MOK: variants seen among roughly 807,000 people sequenced by gnomAD.
MOK encodes MAPK/MAK/MRK overlapping kinase.
Under a neutral mutation model 54.2 loss-of-function variants are expected in MOK, and 59 were observed. That is an observed-to-expected ratio of 1.09 (90% CI 0.88 to 1.35). The LOEUF (loss-of-function observed/expected upper bound fraction) is 1.35. Ranked by LOEUF, MOK falls within the 40% of genes most tolerant of loss-of-function variation. The pLI is 0.00. For synonymous variants in MOK, 210 were observed against 202.7 expected, an observed-to-expected ratio of 1.04 and a Z score of -0.31; for missense variants, 517 against 526.2, an observed-to-expected ratio of 0.98 and a Z score of 0.17.
intron 2 of MOK, among the ~76,000 whole-genome samples, chr14:102,272,839 A>G (rs925806619): frequency 3.9e-5 from 6 of 152,174 alleles, no homozygotes; most frequent in Non-Finnish European, 8.8e-5. Context: ...CTTGCATTCA[A>G]TATTGTACTG....
chr14:102,281,847 A>G (rs1433463599), intron 2 of MOK, among the ~76,000 whole-genome samples: 3 of 152,220 alleles, frequency 2.0e-5, no homozygotes, highest in Admixed American at 6.5e-5. Context: ...AAAGAAACAC[A>G]GAGAATGCAG....
intron 1 of MOK, among the ~76,000 whole-genome samples, chr14:102,299,021 A>G (rs187881231): frequency 6.6e-6 from 1 of 152,232 alleles, no homozygotes; most frequent in East Asian, 1.9e-4. Flanking sequence ...AGAAGGAACA[A>G]ACTCCAGACA....
chr14:102,302,263 G>A (rs2072303886), intron 1 of MOK, among the ~76,000 whole-genome samples: 1 of 149,082 alleles, frequency 6.7e-6, no homozygotes, highest in Admixed American at 6.8e-5. Context: ...AGTAGAGACG[G>A]GGTTTCACCA....
intron 7 of MOK, 98 bp downstream of exon 7, chr14:102,250,714 G>T: frequency 2.5e-6 from 3 of 1,182,708 alleles, no homozygotes; most frequent in Non-Finnish European, 3.5e-6. Flanking sequence ...AGAAAAACCA[G>T]AATGACCATG....
chr14:102,294,999 A>G (rs2071278324), intron 1 of MOK, among the ~76,000 whole-genome samples: 1 of 152,210 alleles, frequency 6.6e-6, no homozygotes, highest in Non-Finnish European at 1.5e-5. Flanking sequence ...GGATTAAAAA[A>G]GAAACCACCT....
At chr14:102,241,852 C>T (rs1252905344) in intron 7 of MOK, among the ~76,000 whole-genome samples, 1 of 152,238 alleles carries the variant, frequency 6.6e-6, no homozygotes, top group Non-Finnish European at 1.5e-5. Flanking sequence ...AACGTCTGAA[C>T]CGCAGTGGCC....
chr14:102,217,213 G>C, the MOK span, among the ~76,000 whole-genome samples: 1 of 152,116 alleles, frequency 6.6e-6, no homozygotes, highest in Non-Finnish European at 1.5e-5. Context: ...GGGCCAAGTG[G>C]GTCCCAGGAG....
chr14:102,269,095 G>A (rs1339800019), intron 2 of MOK, among the ~76,000 whole-genome samples: 3 of 152,000 alleles, frequency 2.0e-5, no homozygotes, highest in Admixed American at 6.6e-5. Context: ...GCAAAATAAG[G>A]ATTACTACTA....
At position 102,250,970 on chromosome 14, in the gene MOK, C is replaced by A. The variant is rs750186023; in HGVS notation, c.432G>T (p.Gly144=). 1 of 1,614,012 alleles carries A rather than the reference C, an allele frequency of 6.2e-7. No individual in the cohort carries two copies. Residue 144 remains glycine, a synonymous_variant, in exon 7 of 12, where the codon GGG becomes GGT. Coordinates refer to ENST00000361847, the MANE Select transcript of MOK (RefSeq NM_014226.3). The stretch of plus-strand genomic sequence containing the variant: ...AGACACTCCGGCAGGAGCCAAAGTC[C>A]CCTAATTTCAGGACATCCTGCTGGA... The part of the protein sequence containing the change: ...ILIKQDVLKL[G]DFGSCRSVYS...
the MOK span, among the ~76,000 whole-genome samples, chr14:102,219,155 C>G: frequency 6.1e-4 from 93 of 152,340 alleles, no homozygotes; most frequent in African/African-American, 2.0e-3. Flanking sequence ...GTCTGTTTCT[C>G]GTCTTCCTCT....
At chr14:102,214,809 T>G in the MOK span, 18 of 980,146 alleles carry the variant, frequency 1.8e-5, no homozygotes, top group Non-Finnish European at 1.8e-5. Flanking sequence ...TTGCAATAAT[T>G]AATGAAACTT....
intron 2 of MOK, among the ~76,000 whole-genome samples, chr14:102,275,553 G>A (rs966401509): frequency 2.2e-4 from 27 of 120,830 alleles, no homozygotes; most frequent in African/African-American, 7.1e-5. Flanking sequence ...GACAGAGCGA[G>A]ACTCCATCTC....
chr14:102,245,985 G>A lies in MOK; in HGVS notation c.590+4827C>T, dbSNP rs1220586414. The A allele has an allele frequency of 6.5e-6, 1 of 152,674 alleles. No homozygotes were observed. The highest frequency in any genetic ancestry group is 1.9e-4 in the East Asian group (1 of 5,198). The allele number at this position is 152,674 out of a possible 1,614,324, so 9.5% of individuals were successfully genotyped here. A position where few individuals can be genotyped will look rare whatever the true frequency, so the allele number is the denominator to read the frequency against. ...TCCATCCATCTCAAACAGGTTTAAA[G>A]TACTATTACAACTAGCCTCCTTTAA... On this transcript the variant is annotated intron_variant, in intron 7 of 11. Transcript: ENST00000361847. This position sits in a 1 kb window ranked among gnomAD's most constrained non-coding sequence, Gnocchi z 4.3.
rs1389872445 is a variant in MOK at position 102,250,843 on chromosome 14, T to G, written c.559A>C (p.Ser187Arg). 2 of 1,613,748 alleles carry G rather than the reference T, an allele frequency of 1.2e-6. No homozygotes were observed. The highest frequency in any genetic ancestry group is 2.7e-5 in the African/African-American group (2 of 74,850). Residue 187 changes from serine to arginine, a missense_variant, in exon 7 of 12, where the codon AGC (serine) becomes CGC (arginine). By Grantham distance (110) the Ser-to-Arg change is moderately radical. Transcript: ENST00000361847. ...GFYTYKMDLWSAGCVFYEIAS... is the reference protein window; with the variant it reads ...GFYTYKMDLWRAGCVFYEIAS... Reference sequence around the variant, plus strand: ...ATCTCGTAGAACACACAGCCGGCGCTCCACAGGTCCATCTTGTACGTGTAG... The same window carrying G: ...ATCTCGTAGAACACACAGCCGGCGCGCCACAGGTCCATCTTGTACGTGTAG...
chr14:102,276,302 G>C (rs2068856897), intron 2 of MOK, among the ~76,000 whole-genome samples: 1 of 151,678 alleles, frequency 6.6e-6, no homozygotes, highest in South Asian at 2.1e-4. Context: ...GGCTAACATG[G>C]TGAAACCCCA....
chr14:102,281,498 C>CA (rs1184533713), intron 2 of MOK, among the ~76,000 whole-genome samples: 3,064 of 47,344 alleles, frequency 0.065, 157 homozygotes, highest in African/African-American at 0.17. Flanking sequence ...GACCCTGACT[C>CA]AAAAAAAAAA....
At position 102,304,993 on chromosome 14, in the gene MOK, C is replaced by T. The variant is rs750656984; in HGVS notation, c.-25G>A. ...TCTTGGATGCGGAAGCCGGTGACAA[C>T]CCCTTGCCGACACTGGACGGAAAAG... is the stretch of plus-strand genomic sequence containing the variant. On this transcript the variant is annotated 5_prime_UTR_variant, in exon 1 of 12. Transcript: ENST00000361847. The T allele has an allele frequency of 1.6e-5, 26 of 1,608,820 alleles. No homozygotes were observed. The highest frequency in any genetic ancestry group is 2.1e-5 in the Non-Finnish European group (25 of 1,177,890).
chr14:102,231,474 A>C lies in MOK; in HGVS notation c.981+233T>G. 8.4e-6 allele frequency: 4 copies of C among 474,910 alleles called. No homozygotes were observed. Among genetic ancestry groups the C allele is most frequent in the Non-Finnish European group, 7.6e-6 (2 of 263,430 alleles). The allele number at this position is 474,910 out of a possible 1,614,324, so 29.4% of individuals were successfully genotyped here. Reference sequence around the variant, plus strand: ...CTCTCTGGGCCTGCTCACATGGGATATTCGTCATCAATTCTTAGCTACTGG... The same window carrying C: ...CTCTCTGGGCCTGCTCACATGGGATCTTCGTCATCAATTCTTAGCTACTGG... On this transcript the variant is annotated intron_variant, in intron 10 of 11. Transcript: ENST00000361847. The surrounding 1 kb of genome is among the most constrained non-coding windows in gnomAD (Gnocchi z 4.4).
Position 102,250,929 on chromosome 14 carries a change from T to G in MOK, c.473A>C (p.Tyr158Ser). Residue 158 changes from tyrosine to serine, a missense_variant, in exon 7 of 12, where the codon TAC becomes TCC. Transcript: ENST00000361847. ...SCRSVYSKQPYTEYISTRWYR... is the reference protein window; with the variant it reads ...SCRSVYSKQPSTEYISTRWYR... ...CCAGCGGGTGGAGATGTATTCCGTG[T>G]ACGGCTGCTTGGAATAGACACTCCG... 6.2e-7 allele frequency: 1 copy of G among 1,614,122 alleles called. No homozygotes were observed. The highest frequency in any genetic ancestry group is 1.6e-4 in the Middle Eastern group (1 of 6,062).
Sources: gnomAD v4.1 joint callset for allele counts (sites outside exome capture counted in the v4.1 genomes callset) on GRCh38, gnomAD v4.1.1 for gene constraint, Gnocchi (gnomAD v3.1) non-coding constraint, MANE v1.5 for transcripts, NCBI Gene and HGNC (gene_info 2026-07-23, HGNC 2026-07-21) for gene names.